KIF27: variants seen among roughly 807,000 people sequenced by gnomAD.
KIF27 encodes kinesin family member 27.
In KIF27, 84 loss-of-function variants were observed where a neutral mutation model predicts 141.8. That is an observed-to-expected ratio of 0.59 (90% CI 0.50 to 0.71). KIF27 has a LOEUF of 0.71. Among genes scored for constraint, KIF27 ranks in the 30% least tolerant of loss-of-function variants. The pLI is 0.00. For missense variants in KIF27, 1,306 were observed against 1,628.4 expected (o/e 0.80, Z 3.41); for synonymous variants, 471 against 569.5 (o/e 0.83, Z 2.46).
intron 12 of KIF27, 101 bp from the exon 13 acceptor site, chr9:83,867,961 C>T (rs1950506590): frequency 2.4e-6 from 3 of 1,238,300 alleles, no homozygotes; most frequent in South Asian, 3.4e-5. Flanking sequence ...CTTAAATGAA[C>T]ATTTAAAAAC....
At chr9:83,858,001 A>G (rs1030733619) in intron 14 of KIF27, among the ~76,000 whole-genome samples, 4 of 121,288 alleles carry the variant, frequency 3.3e-5, no homozygotes, top group Non-Finnish European at 6.6e-5. Flanking sequence ...TCTATCTTCT[A>G]TAGAGCTTAG....
chr9:83,904,093 A>G (rs1954235288), intron 3 of KIF27, 75 bp from the exon 4 acceptor site: 1 of 1,172,790 alleles, frequency 8.5e-7, no homozygotes. Flanking sequence ...ACCATTTGCT[A>G]AACAGCCTGG....
intron 12 of KIF27, chr9:83,868,086 A>T (rs1182462444): frequency 2.2e-6 from 1 of 463,018 alleles, no homozygotes; most frequent in Admixed American, 4.0e-5. Context: ...CAGATATGTT[A>T]AACAGTCTAG....
At chr9:83,898,371 G>T (rs1278701374) in intron 5 of KIF27, among the ~76,000 whole-genome samples, 2 of 152,142 alleles carry the variant, frequency 1.3e-5, no homozygotes, top group African/African-American at 2.4e-5. Context: ...AAGCTATACT[G>T]AATAAATTAA....
rs1428420824 is a variant in KIF27 at position 83,915,621 on chromosome 9, C to A, written c.-30G>T. ...ACTTAGATTTTACTAAATAGATTTT[C>A]TATTTAATGTTCAGTATCTAGTGTG... On this transcript the variant is annotated 5_prime_UTR_variant, in exon 2 of 18. Transcript: ENST00000297814. 6.5e-7 allele frequency: 1 copy of A among 1,541,482 alleles called. No homozygotes were observed. The highest frequency in any genetic ancestry group is 2.0e-5 in the Admixed American group (1 of 50,800).
chr9:83,903,804 T>C lies in KIF27; in HGVS notation c.714A>G (p.Ser238=). The C allele has an allele frequency of 1.2e-6, 2 of 1,614,102 alleles. No individual in the cohort carries two copies. Among genetic ancestry groups the C allele is most frequent in the South Asian group, 1.1e-5 (1 of 91,090 alleles). Reference sequence around the variant, plus strand: ...CTGCCAAATCCACAAAGTGGAACTTTGAGACAATATGCCGAGGGGAATACC... The same window carrying C: ...CTGCCAAATCCACAAAGTGGAACTTCGAGACAATATGCCGAGGGGAATACC... ...GSWYSPRHIV[S]KFHFVDLAGS... is the part of the protein sequence containing the mutation. Residue 238 remains serine, a synonymous_variant, in exon 4 of 18, where the codon TCA becomes TCG. Coordinates refer to ENST00000297814, the MANE Select transcript of KIF27 (RefSeq NM_017576.4).
At chr9:83,885,126 T>G (rs1951983205) in intron 9 of KIF27, among the ~76,000 whole-genome samples, 1 of 152,134 alleles carries the variant, frequency 6.6e-6, no homozygotes, top group Non-Finnish European at 1.5e-5. Flanking sequence ...AGAGCCTCGC[T>G]CTGTCACCCA....
At chr9:83,914,053 A>T (rs1955456218) in intron 2 of KIF27, among the ~76,000 whole-genome samples, 1 of 151,992 alleles carries the variant, frequency 6.6e-6, no homozygotes. Flanking sequence ...AGATAACTTC[A>T]ATAACTTTTT....
intron 14 of KIF27, 52 bp downstream of exon 14, chr9:83,859,104 A>C: frequency 8.7e-7 from 1 of 1,151,208 alleles, no homozygotes; most frequent in South Asian, 1.2e-5. Context: ...TGAGGAAATC[A>C]CTCAAGTGAT....
At chr9:83,847,787 C>T (rs1327027935) in intron 16 of KIF27, 1 of 151,942 alleles carries the variant, frequency 6.6e-6, no homozygotes, top group East Asian at 1.9e-4. Context: ...CTGCATCTTT[C>T]TCCCATGCTG....
rs1383304001 is a variant in KIF27 at position 83,850,222 on chromosome 9, C to T, written c.3433G>A (p.Asp1145Asn). 1.2e-6 allele frequency: 2 copies of T among 1,613,432 alleles called. No homozygotes were observed. The highest frequency in any genetic ancestry group is 1.7e-6 in the Non-Finnish European group (2 of 1,179,358). The change falls in exon 16 of 18, where the codon GAT becomes AAT. Residue 1145 changes from aspartate (D) to asparagine (N), a missense_variant. Coordinates refer to ENST00000297814, the MANE Select transcript of KIF27 (RefSeq NM_017576.4). ...GATTCTAATTCACGAACCATATTATCCCGTTCCAGAACTTTCATTTTCATT... is the reference window on the plus strand; with the variant it reads ...GATTCTAATTCACGAACCATATTATTCCGTTCCAGAACTTTCATTTTCATT... Reference protein sequence around the residue: ...EEMKMKVLERDNMVRELESAL... With the variant: ...EEMKMKVLERNNMVRELESAL...
intron 2 of KIF27, among the ~76,000 whole-genome samples, chr9:83,909,444 T>C (rs952584610): frequency 2.0e-5 from 3 of 152,040 alleles, no homozygotes; most frequent in Admixed American, 1.3e-4. Flanking sequence ...ACCCTGTCCC[T>C]ACTAAAAATA....
At chr9:83,904,640 G>A (rs917440106) in intron 3 of KIF27, among the ~76,000 whole-genome samples, 3 of 152,060 alleles carry the variant, frequency 2.0e-5, no homozygotes, top group Non-Finnish European at 4.4e-5. Context: ...CAAAGTGCTG[G>A]GATAACAGGT....
At chr9:83,891,534 A>G (rs1383048128) in intron 5 of KIF27, 33 bp from the exon 6 acceptor site, 3 of 1,546,864 alleles carry the variant, frequency 1.9e-6, no homozygotes, top group African/African-American at 1.4e-5. Flanking sequence ...TTTTTAATAT[A>G]GAGCACTTCA....
rs758891437 is a variant in KIF27, at chr9:83,891,427, C to T, written c.1677G>A (p.Val559=). Residue 559 remains valine (V), a synonymous_variant, in exon 6 of 18, where the codon GTG becomes GTA. Transcript: ENST00000297814. ...CACAATTTTCTTTAGCTGAAGAAGT[C>T]ACTGACAGGTTAAGTTTTGTTAGTT... The part of the protein sequence containing the change: ...SEELTKLNLS[V]TSSAKENCGD... 1.9e-6 allele frequency: 3 copies of T among 1,613,782 alleles called. No individual in the cohort carries two copies. In the African/African-American group the frequency reaches 4.0e-5, roughly 22 times the overall value.
In KIF27 at chr9:83,834,277, G is replaced by A. The variant is rs578063163; in HGVS notation, c.*2724C>T. Among the ~76,000 whole-genome samples, 432 of 152,176 alleles carry A rather than the reference G, an allele frequency of 2.8e-3. 1 individual carries two copies. Among genetic ancestry groups the A allele is most frequent in the Non-Finnish European group, 4.3e-3 (292 of 67,966 alleles). On this transcript the variant is annotated 3_prime_UTR_variant, in exon 18 of 18. Coordinates refer to ENST00000297814, the MANE Select transcript of KIF27 (RefSeq NM_017576.4). Reference sequence around the variant, plus strand: ...TATATGTAAAAAAATAATTTTACTTGCCTTGGGTAGGTGTCTAATTTTTTT... The same window carrying A: ...TATATGTAAAAAAATAATTTTACTTACCTTGGGTAGGTGTCTAATTTTTTT...
At chr9:83,912,393 A>G (rs1216217900) in intron 2 of KIF27, among the ~76,000 whole-genome samples, 1 of 152,246 alleles carries the variant, frequency 6.6e-6, no homozygotes, top group Non-Finnish European at 1.5e-5. Context: ...AGTAAAGTTA[A>G]GTTGTGGGTT....
rs1217896307 is a variant in KIF27 at position 83,903,989 on chromosome 9, C to A, written c.529G>T (p.Glu177Ter). 72 of 1,608,666 alleles carry A rather than the reference C, an allele frequency of 4.5e-5. No individual in the cohort carries two copies. The highest frequency in any genetic ancestry group is 5.7e-5 in the Non-Finnish European group (67 of 1,177,522). The change falls in exon 4 of 18, where the codon GAG (glutamate) becomes TAG (stop). Residue 177 changes from glutamate (E) to a stop codon, truncating the protein, a stop_gained. Coordinates refer to ENST00000297814, the MANE Select transcript of KIF27 (RefSeq NM_017576.4). LOFTEE classifies it high-confidence loss of function. The part of the protein sequence containing the change: ...VIVGAKECHV[E>*]SAGEVMSLLE... ...AGACTCATCACTTCACCTGCACTCT[C>A]CACATGGCATTCCTTGGCCCCAACA...
Position 83,918,671 on chromosome 9 carries a change from TG to T in KIF27, c.-88+2699del, listed in dbSNP as rs767555061. Among the ~76,000 whole-genome samples the T allele has an allele frequency of 2.2e-4, 34 of 152,230 alleles. No individual in the cohort carries two copies. In the East Asian group the frequency reaches 2.7e-3, roughly 12 times the overall value. On this transcript the variant is annotated intron_variant, in intron 1 of 17. Transcript: ENST00000297814. ...TCACAATGAGAGGCCAGGTGCACAG[TG>T]GTTCATGCCTGTAATCCCAGAATTT...
Sources: allele counts gnomAD v4.1 joint callset (sites outside exome capture counted in the v4.1 genomes callset), GRCh38; gene constraint gnomAD v4.1.1; transcripts MANE v1.5; gene names NCBI Gene and HGNC (gene_info 2026-07-23, HGNC 2026-07-21).